Variants in INPP4B observed in about 807,000 individuals in gnomAD.
INPP4B encodes inositol polyphosphate 4-phosphatase type II.
Under a neutral mutation model 122.5 loss-of-function variants are expected in INPP4B, and 55 were observed. The ratio of observed to expected loss-of-function variants is 0.45; its 90% CI spans 0.36 to 0.56. INPP4B has a LOEUF of 0.56. Ranked by LOEUF, INPP4B falls within the 20% of genes least tolerant of loss-of-function variation. The pLI is 0.00. For synonymous variants in INPP4B, 403 were observed against 388.7 expected, an observed-to-expected ratio of 1.04 and a Z score of -0.43; for missense variants, 1,000 against 1,097.7, an observed-to-expected ratio of 0.91 and a Z score of 1.26.
intron 12 of INPP4B, among the ~76,000 whole-genome samples, chr4:142,219,748 A>G (rs1197688906): frequency 1.3e-5 from 2 of 152,192 alleles, no homozygotes. Context: ...CTGGACTTGG[A>G]CGGAGGATGT....
Position 142,331,299 on chromosome 4 carries a change from C to T in INPP4B, c.373-16537G>A, listed in dbSNP as rs181843648. Among the ~76,000 whole-genome samples, 73 of 152,242 alleles carry T rather than the reference C, an allele frequency of 4.8e-4. 1 individual carries two copies. The highest frequency in any genetic ancestry group is 1.6e-3 in the African/African-American group (67 of 41,544). ...CGCTGACCACAGAATTGGAAAGGGACATGTAGGATCAGCTCTCCAGGGACA... is the reference window on the plus strand; with the variant it reads ...CGCTGACCACAGAATTGGAAAGGGATATGTAGGATCAGCTCTCCAGGGACA... On this transcript the variant is annotated intron_variant, in intron 7 of 25. Coordinates refer to ENST00000262992, the MANE Select transcript of INPP4B (RefSeq NM_001101669.3).
intron 1 of INPP4B, among the ~76,000 whole-genome samples, chr4:142,733,086 T>C (rs560107888): frequency 6.6e-6 from 1 of 152,272 alleles, no homozygotes; most frequent in South Asian, 2.1e-4. Flanking sequence ...GGCAATTTCT[T>C]TACTAAATGG....
At chr4:142,062,427 G>GA (rs1260973333) in intron 25 of INPP4B, among the ~76,000 whole-genome samples, 1 of 152,002 alleles carries the variant, frequency 6.6e-6, no homozygotes, top group Non-Finnish European at 1.5e-5. Context: ...ACAATATCCA[G>GA]ATTAAAAAAT....
At chr4:142,567,529 G>A (rs1003469398) in intron 2 of INPP4B, among the ~76,000 whole-genome samples, 1 of 152,146 alleles carries the variant, frequency 6.6e-6, no homozygotes, top group Admixed American at 6.5e-5. Context: ...TGTAGAAAAG[G>A]TAGAATGAAC....
At chr4:142,245,364 T>C (rs1727439937) in intron 11 of INPP4B, among the ~76,000 whole-genome samples, 2 of 152,220 alleles carry the variant, frequency 1.3e-5, no homozygotes, top group Admixed American at 1.3e-4. Flanking sequence ...TGTTTAAGTC[T>C]TTAATCCATC....
At chr4:142,764,789 T>C (rs1484335398) in intron 1 of INPP4B, among the ~76,000 whole-genome samples, 3 of 151,884 alleles carry the variant, frequency 2.0e-5, no homozygotes, top group East Asian at 1.9e-4. Context: ...GGGTCTAGCA[T>C]GTGTATCTGG....
intron 11 of INPP4B, 107 bp downstream of exon 11, chr4:142,260,385 T>C: frequency 1.4e-6 from 1 of 740,074 alleles, no homozygotes; most frequent in Non-Finnish European, 2.4e-6. Context: ...CCAGTGTATT[T>C]ACTAAGCTTC....
chr4:142,579,345 A>G (rs1271179561), intron 2 of INPP4B, among the ~76,000 whole-genome samples: 1 of 152,050 alleles, frequency 6.6e-6, no homozygotes, highest in Non-Finnish European at 1.5e-5. Context: ...CATTCAAAGC[A>G]TAAGAAAGAG....
rs928020203 is a variant in INPP4B at position 142,026,015 on chromosome 4, A to T, written c.*2767T>A. The T allele has an allele frequency of 5.3e-5, 8 of 152,140 alleles. No individual in the cohort carries two copies. The highest frequency in any genetic ancestry group is 6.5e-5 in the Admixed American group (1 of 15,268). The allele number at this position is 152,140 out of a possible 1,614,324, so 9.4% of individuals were successfully genotyped here. On this transcript the variant is annotated 3_prime_UTR_variant, in exon 26 of 26. Coordinates refer to ENST00000262992, the MANE Select transcript of INPP4B (RefSeq NM_001101669.3). ...AGGGCTCAGTAAATAGCTAATCCAG[A>T]ATTGATATCTGCATTTAATATCAAA...
At chr4:142,720,526 CA>C (rs1764390092) in intron 2 of INPP4B, among the ~76,000 whole-genome samples, 1 of 151,692 alleles carries the variant, frequency 6.6e-6, no homozygotes, top group Non-Finnish European at 1.5e-5. Context: ...CACATCCTCC[CA>C]GACACTTTAT....
intron 12 of INPP4B, among the ~76,000 whole-genome samples, chr4:142,213,961 T>C (rs1845949809): frequency 1.3e-5 from 2 of 152,190 alleles, no homozygotes; most frequent in African/African-American, 4.8e-5. Flanking sequence ...TAGAAGACTC[T>C]GGGACACCTC....
intron 1 of INPP4B, among the ~76,000 whole-genome samples, chr4:142,811,587 G>T (rs1025258174): frequency 6.6e-6 from 1 of 152,144 alleles, no homozygotes; most frequent in African/African-American, 2.4e-5. Context: ...ATCAACTGAT[G>T]ATTTGAAAAT....
At chr4:142,578,316 AT>A (rs535266138) in intron 2 of INPP4B, among the ~76,000 whole-genome samples, 1 of 151,914 alleles carries the variant, frequency 6.6e-6, no homozygotes, top group Non-Finnish European at 1.5e-5. Context: ...CCTCGTGACT[AT>A]CTTATTTTTC....
chr4:142,626,107 G>A (rs1385875644), intron 2 of INPP4B, among the ~76,000 whole-genome samples: 2 of 152,078 alleles, frequency 1.3e-5, no homozygotes, highest in African/African-American at 2.4e-5. Context: ...CAAAAGCAAT[G>A]GCAACAGAAG....
At chr4:142,149,515 G>A (rs1310637947) in intron 17 of INPP4B, among the ~76,000 whole-genome samples, 2 of 151,998 alleles carry the variant, frequency 1.3e-5, no homozygotes, top group African/African-American at 4.8e-5. Context: ...ATTTTCCACA[G>A]AAATGGGGTA....
At chr4:142,165,698 C>T (rs961658746) in intron 16 of INPP4B, among the ~76,000 whole-genome samples, 26 of 151,806 alleles carry the variant, frequency 1.7e-4, no homozygotes, top group African/African-American at 5.5e-4. Context: ...ATTCAACAGC[C>T]TTCTCAGTGC....
chr4:142,286,065 G>C (rs867272557), intron 9 of INPP4B, among the ~76,000 whole-genome samples: 1 of 152,104 alleles, frequency 6.6e-6, no homozygotes, highest in East Asian at 1.9e-4. Context: ...ATTCCTACAG[G>C]ACTTTTTTTG....
chr4:142,797,340 A>C (rs2151080997), intron 1 of INPP4B, among the ~76,000 whole-genome samples: 1 of 152,146 alleles, frequency 6.6e-6, no homozygotes, highest in African/African-American at 2.4e-5. Flanking sequence ...CTATAAAACA[A>C]GAAATCTGCT....
At chr4:142,252,866 C>A (rs1052561647) in intron 11 of INPP4B, among the ~76,000 whole-genome samples, 2 of 152,058 alleles carry the variant, frequency 1.3e-5, no homozygotes, top group East Asian at 3.9e-4. Flanking sequence ...AATTTATAGT[C>A]GTGTAGTTTA....
Sources: gnomAD v4.1 joint callset for allele counts (sites outside exome capture counted in the v4.1 genomes callset) on GRCh38, gnomAD v4.1.1 for gene constraint, MANE v1.5 for transcripts, NCBI Gene and HGNC (gene_info 2026-07-23, HGNC 2026-07-21) for gene names.